Variants in RBM17 observed in about 807,000 individuals in gnomAD.
RBM17 encodes RNA binding motif protein 17.
In RBM17, 7 loss-of-function variants were observed where a neutral mutation model predicts 53.2. The observed-to-expected ratio is 0.13, with a 90% CI of 0.07 to 0.25. The LOEUF (loss-of-function observed/expected upper bound fraction) is 0.25. Ranked by LOEUF, RBM17 falls within the 10% of genes least tolerant of loss-of-function variation. The pLI, the probability that RBM17 is intolerant of heterozygous loss-of-function variation, is 1.00. For synonymous variants in RBM17, 167 were observed against 178.1 expected, an observed-to-expected ratio of 0.94 and a Z score of 0.50; for missense variants, 257 against 496.7, an observed-to-expected ratio of 0.52 and a Z score of 4.59.
In RBM17 at chr10:6,112,204, T is replaced by C. The variant is rs771715784; in HGVS notation, c.705-6T>C. ...CTAAGAGTCCTTTCCCTTCTTCTCC[T>C]GCCAGGGGCACGGTGGCGCACAAGA... is the stretch of plus-strand genomic sequence containing the variant. On this transcript the variant is annotated splice_region_variant and splice_polypyrimidine_tract_variant and intron_variant, in intron 7 of 11. Coordinates refer to ENST00000379888, the MANE Select transcript of RBM17 (RefSeq NM_032905.5). This position sits in a 1 kb window ranked among gnomAD's most constrained non-coding sequence, Gnocchi z 4.4. 6.2e-7 allele frequency: 1 copy of C among 1,610,596 alleles called. No individual in the cohort carries two copies. Among genetic ancestry groups the C allele is most frequent in the South Asian group, 1.1e-5 (1 of 91,056 alleles).
intron 1 of RBM17, among the ~76,000 whole-genome samples, chr10:6,090,270 G>C (rs931988435): frequency 6.6e-6 from 1 of 152,200 alleles, no homozygotes; most frequent in Non-Finnish European, 1.5e-5. Context: ...ATGGGTAGAT[G>C]TGCACTGGCT....
intron 2 of RBM17, among the ~76,000 whole-genome samples, chr10:6,098,570 T>TTTTTTTTTG (rs1564566270): frequency 1.4e-4 from 12 of 87,696 alleles, no homozygotes; most frequent in African/African-American, 5.3e-4. Context: ...TTTGTTTTTT[T>TTTTTTTTTG]TTTTTTTTTT....
intron 7 of RBM17, among the ~76,000 whole-genome samples, chr10:6,111,891 G>A (rs1470181919): frequency 6.6e-6 from 1 of 152,164 alleles, no homozygotes; most frequent in Non-Finnish European, 1.5e-5. Flanking sequence ...TAAGCTATGT[G>A]GCAGTGCAGG....
At chr10:6,095,747 A>C (rs993613671) in intron 1 of RBM17, among the ~76,000 whole-genome samples, 3 of 152,218 alleles carry the variant, frequency 2.0e-5, no homozygotes, top group African/African-American at 7.2e-5. Flanking sequence ...AGACCAGGGC[A>C]GTTCTTCTGA....
In RBM17 at chr10:6,091,853, G is replaced by C. The variant is rs561259047; in HGVS notation, c.-19+2660G>C. Reference sequence around the variant, plus strand: ...TGAGTATGCTTGAGGAAACCAGTTGGGGGGGGTTAGTTTTATGTGGGGGCA... The same window carrying C: ...TGAGTATGCTTGAGGAAACCAGTTGCGGGGGGTTAGTTTTATGTGGGGGCA... On this transcript the variant is annotated intron_variant, in intron 1 of 11. Coordinates refer to ENST00000379888, the MANE Select transcript of RBM17 (RefSeq NM_032905.5). Among the ~76,000 whole-genome samples the C allele has an allele frequency of 7.8e-5, 11 of 140,270 alleles. No homozygotes were observed. In the East Asian group the frequency reaches 1.2e-3, roughly 15 times the overall value. The allele number at this position is 140,270 out of a possible 152,430, so 92.0% of individuals were successfully genotyped here. A position where few individuals can be genotyped will look rare whatever the true frequency, so the allele number is the denominator to read the frequency against.
At chr10:6,113,396 G>GCC in intron 8 of RBM17, 112 bp from the exon 9 acceptor site, 1 of 719,986 alleles carries the variant, frequency 1.4e-6, no homozygotes, top group Non-Finnish European at 2.4e-6. Context: ...ATAAATGGTG[G>GCC]GGATCGCTAT....
At chr10:6,093,739 G>C (rs950326370) in intron 1 of RBM17, among the ~76,000 whole-genome samples, 6 of 152,186 alleles carry the variant, frequency 3.9e-5, no homozygotes, top group African/African-American at 1.4e-4. Context: ...GGGACCAGAA[G>C]TGTTTCAGAT....
In RBM17 at chr10:6,094,381, C is replaced by CAA. The variant is rs369545563; in HGVS notation, c.-18-2665_-18-2664dup. On this transcript the variant is annotated intron_variant, in intron 1 of 11. Transcript: ENST00000379888. ...TGGAGATAGTCTGTATTGAGAAAAGCAAATATCTAGAGTTTAGTTTGAGTT... is the reference window on the plus strand; with the variant it reads ...TGGAGATAGTCTGTATTGAGAAAAGCAAAAATATCTAGAGTTTAGTTTGAGTT... Among the ~76,000 whole-genome samples the CAA allele has an allele frequency of 4.7e-3, 720 of 152,242 alleles. 6 individuals carry two copies. The highest frequency in any genetic ancestry group is 0.016 in the African/African-American group (658 of 41,510).
intron 4 of RBM17, 66 bp from the exon 5 acceptor site, chr10:6,106,075 C>A: frequency 1.8e-6 from 2 of 1,091,476 alleles, no homozygotes; most frequent in Non-Finnish European, 2.8e-6. Context: ...AAGAGGAAGT[C>A]ATCCCAGGTT....
intron 9 of RBM17, 184 bp downstream of exon 9, chr10:6,113,765 G>A (rs1840872692): frequency 3.3e-6 from 2 of 600,612 alleles, no homozygotes; most frequent in Admixed American, 3.1e-5. Context: ...GCTAAGTACA[G>A]TGTTTAAGAC....
At chr10:6,111,341 T>A (rs2132953265) in intron 7 of RBM17, among the ~76,000 whole-genome samples, 1 of 152,308 alleles carries the variant, frequency 6.6e-6, no homozygotes, top group Middle Eastern at 3.4e-3. Flanking sequence ...GCTGTACAAA[T>A]AATTTATTTG....
At chr10:6,113,301 A>G in intron 8 of RBM17, 2 of 447,128 alleles carry the variant, frequency 4.5e-6, no homozygotes. Flanking sequence ...TGCTATTGTA[A>G]AAACATGCCA....
intron 4 of RBM17, among the ~76,000 whole-genome samples, chr10:6,105,447 C>T (rs1840735563): frequency 6.6e-6 from 1 of 152,194 alleles, no homozygotes. Context: ...CTTTTGAATG[C>T]CAACATGCCG....
chr10:6,100,576 G>A (rs1023889456), intron 2 of RBM17, among the ~76,000 whole-genome samples: 1 of 152,180 alleles, frequency 6.6e-6, no homozygotes, highest in African/African-American at 2.4e-5. Context: ...AGATGAAGAT[G>A]ATGGTGATGA....
chr10:6,099,590 A>G (rs1367380618), intron 2 of RBM17, among the ~76,000 whole-genome samples: 2 of 152,192 alleles, frequency 1.3e-5, no homozygotes, highest in Non-Finnish European at 2.9e-5. Flanking sequence ...TGCTTGCAAT[A>G]CCTAACACAA....
intron 2 of RBM17, among the ~76,000 whole-genome samples, chr10:6,099,398 G>C (rs967075171): frequency 6.6e-6 from 1 of 151,990 alleles, no homozygotes; most frequent in Non-Finnish European, 1.5e-5. Context: ...ATTTGAAGCT[G>C]TGGTTTCATT....
intron 2 of RBM17, among the ~76,000 whole-genome samples, chr10:6,097,563 C>G (rs974352474): frequency 2.0e-5 from 3 of 152,162 alleles, no homozygotes; most frequent in Non-Finnish European, 4.4e-5. Flanking sequence ...GCCAGCTACT[C>G]GGGAGGCTGA....
At position 6,112,064 on chromosome 10, in the gene RBM17, C is replaced by T. The variant is rs987318418; in HGVS notation, c.705-146C>T. On this transcript the variant is annotated intron_variant, in intron 7 of 11. Coordinates refer to ENST00000379888, the MANE Select transcript of RBM17 (RefSeq NM_032905.5). The surrounding 1 kb of genome is among the most constrained non-coding windows in gnomAD (Gnocchi z 4.4). ...CATCCCCACAGCTTCCATCTAATAG[C>T]CCACTCCTAGTTAATGAGTGACTTT... The T allele has an allele frequency of 7.3e-6, 5 of 686,096 alleles. No individual in the cohort carries two copies. Among genetic ancestry groups the T allele is most frequent in the Admixed American group, 2.8e-5 (1 of 35,562 alleles). The allele number at this position is 686,096 out of a possible 1,614,324, so 42.5% of individuals were successfully genotyped here.
chr10:6,100,709 T>A (rs1229866076), intron 2 of RBM17, among the ~76,000 whole-genome samples: 2 of 152,136 alleles, frequency 1.3e-5, no homozygotes, highest in Non-Finnish European at 2.9e-5. Flanking sequence ...TTTTGGGATA[T>A]CTTGGAGAAT....
Sources: gnomAD v4.1 joint callset for allele counts (sites outside exome capture counted in the v4.1 genomes callset) on GRCh38, gnomAD v4.1.1 for gene constraint, Gnocchi (gnomAD v3.1) non-coding constraint, MANE v1.5 for transcripts, NCBI Gene and HGNC (gene_info 2026-07-23, HGNC 2026-07-21) for gene names.